The following TRHDE variants were observed in gnomAD, a reference collection of about 807,000 sequenced individuals.
The protein encoded by TRHDE is thyrotropin-releasing hormone-degrading ectoenzyme.
A neutral mutation model predicts 125.7 loss-of-function variants in TRHDE; 72 were observed. The observed-to-expected ratio is 0.57, with a 90% CI of 0.47 to 0.70. The LOEUF (loss-of-function observed/expected upper bound fraction) is 0.70, where lower values mean the gene tolerates loss of function less well. TRHDE is among the 30% of genes least tolerant of loss of function. TRHDE has a pLI of 0.00. For synonymous variants in TRHDE, 509 were observed against 509.1 expected (o/e 1.00, Z 0.00); for missense variants, 1,110 against 1,327.1 (o/e 0.84, Z 2.54).
At position 72,575,378 on chromosome 12, in the gene TRHDE, G is replaced by A. The variant is rs200482271; in HGVS notation, c.2255G>A (p.Arg752Gln). Residue 752 changes from arginine (R) to glutamine (Q), a missense_variant, in exon 11 of 19, where the codon CGG becomes CAG. Arg to Gln is a conservative substitution (Grantham distance 43). Transcript: ENST00000261180. ...AGATTATTAATTGATCAATTAATCC[G>A]GAATCATGAGGTACACTCCAGATTT... ...NWRLLIDQLI[R>Q]NHEVLSVSNR... 100 of 1,613,440 alleles carry A rather than the reference G, an allele frequency of 6.2e-5. No homozygotes were observed. Among genetic ancestry groups the A allele is most frequent in the Middle Eastern group, 1.7e-4 (1 of 6,046 alleles).
chr12:72,487,270 T>C (rs116970616), intron 5 of TRHDE, among the ~76,000 whole-genome samples: 4,777 of 152,262 alleles, frequency 0.031, 106 homozygotes, highest in Non-Finnish European at 0.054. Flanking sequence ...TTGGAAGTGA[T>C]ATTGTCAGTA....
intron 2 of TRHDE, among the ~76,000 whole-genome samples, chr12:72,231,609 A>G (rs1469628949): frequency 6.6e-6 from 1 of 152,166 alleles, no homozygotes; most frequent in Non-Finnish European, 1.5e-5. Context: ...ACCAGCTTCT[A>G]TGGTCTGTAG....
chr12:72,531,170 G>A (rs1592516415), intron 6 of TRHDE, among the ~76,000 whole-genome samples: 1 of 151,984 alleles, frequency 6.6e-6, no homozygotes, highest in Non-Finnish European at 1.5e-5. Flanking sequence ...TCAGTGGCTA[G>A]GAAATGCTTT....
At position 72,286,745 on chromosome 12, in the gene TRHDE, C is replaced by A. The variant is rs777676462; in HGVS notation, c.979C>A (p.Pro327Thr). ...AAAGGCATTTCCTTGTTTTGATGAG[C>A]CAATCTACAAGGCTACTTTCAAAAT... ...ARKAFPCFDE[P>T]IYKATFKISI... Residue 327 changes from proline to threonine, a missense_variant, in exon 2 of 19, where the codon CCA (proline) becomes ACA (threonine). Physicochemically the swap from Pro to Thr is conservative, Grantham distance 38. This residue lies in a region of TRHDE where 252 missense variants were observed against 274.8 expected (regional missense o/e 0.92). Coordinates refer to ENST00000261180, the MANE Select transcript of TRHDE (RefSeq NM_013381.3). The A allele has an allele frequency of 6.2e-7, 1 of 1,613,794 alleles. No homozygotes were observed. The highest frequency in any genetic ancestry group is 8.5e-7 in the Non-Finnish European group (1 of 1,179,914).
chr12:72,267,110 CA>C (rs1437177242), intron 2 of TRHDE, among the ~76,000 whole-genome samples: 4 of 152,038 alleles, frequency 2.6e-5, no homozygotes, highest in African/African-American at 9.7e-5. Flanking sequence ...AGTGACTAGA[CA>C]AATTAACTAG....
chr12:72,286,535 C>T (rs1247851594), intron 1 of TRHDE, 146 bp from the exon 2 acceptor site: 8 of 707,210 alleles, frequency 1.1e-5, no homozygotes, highest in Non-Finnish European at 1.9e-5. Context: ...ATTATGCTTT[C>T]ATGCTATTCA....
chr12:72,171,600 T>A (rs1043610657), intron 2 of TRHDE, among the ~76,000 whole-genome samples: 21 of 152,120 alleles, frequency 1.4e-4, no homozygotes, highest in Admixed American at 1.3e-4. Flanking sequence ...TGCGCCTATA[T>A]TTGTGTTGCT....
intron 5 of TRHDE, among the ~76,000 whole-genome samples, chr12:72,477,667 C>T (rs1876963939): frequency 6.6e-6 from 1 of 152,174 alleles, no homozygotes; most frequent in African/African-American, 2.4e-5. Context: ...TGACACAGCA[C>T]AGTAACTGTT....
intron 6 of TRHDE, among the ~76,000 whole-genome samples, chr12:72,512,421 A>G (rs1344998812): frequency 1.5e-4 from 16 of 110,226 alleles, no homozygotes; most frequent in Admixed American, 6.0e-4. Flanking sequence ...TAACTATATA[A>G]TATATATTAT....
At position 72,370,258 on chromosome 12, in the gene TRHDE, C is replaced by G. The variant is rs1267265909; in HGVS notation, c.1189-7737C>G. Among the ~76,000 whole-genome samples the G allele has an allele frequency of 1.3e-5, 2 of 152,102 alleles. 1 individual carries two copies. The highest frequency in any genetic ancestry group is 4.8e-5 in the African/African-American group (2 of 41,402). The stretch of plus-strand genomic sequence containing the variant: ...GAGGGTTAGGACTGATTGAATAAAT[C>G]CATCTATTTCTCTGCATCCCTACTG... On this transcript the variant is annotated intron_variant, in intron 2 of 18. Transcript: ENST00000261180.
Position 72,542,327 on chromosome 12 carries a change from G to C in TRHDE, c.1759G>C (p.Gly587Arg). The change falls in exon 7 of 19, where the codon GGC becomes CGC. Residue 587 changes from glycine (G) to arginine (R), a missense_variant. Transcript: ENST00000261180. ...AATAAGAATGCTGGCTAATTTTATG[G>C]GCCATTCAGTTTTCCAGAGGGGTTT... The part of the protein sequence containing the change: ...ALIRMLANFM[G>R]HSVFQRGLQD... 1 of 1,603,904 alleles carries C rather than the reference G, an allele frequency of 6.2e-7. No individual in the cohort carries two copies. Among genetic ancestry groups the C allele is most frequent in the Non-Finnish European group, 8.5e-7 (1 of 1,173,734 alleles).
intron 2 of TRHDE, among the ~76,000 whole-genome samples, chr12:72,133,334 C>T (rs781543671): frequency 6.6e-6 from 1 of 151,996 alleles, no homozygotes; most frequent in Admixed American, 6.6e-5. Flanking sequence ...GAGGAGAAAT[C>T]GACATAGTTT....
intron 2 of TRHDE, among the ~76,000 whole-genome samples, chr12:72,122,885 C>G (rs1234591411): frequency 1.3e-5 from 2 of 151,778 alleles, no homozygotes; most frequent in African/African-American, 4.8e-5. Flanking sequence ...TAAAACATAC[C>G]TTCTAAATGT....
At chr12:72,571,001 A>C in intron 10 of TRHDE, among the ~76,000 whole-genome samples, 1 of 116,556 alleles carries the variant, frequency 8.6e-6, no homozygotes, top group East Asian at 3.0e-4. Context: ...AAATTTTGTA[A>C]ATACAAAAAT....
At chr12:72,415,525 T>TTCTGC (rs367839185) in intron 3 of TRHDE, among the ~76,000 whole-genome samples, 13 of 152,048 alleles carry the variant, frequency 8.5e-5, no homozygotes, top group African/African-American at 3.1e-4. Flanking sequence ...TCTTCCTCCT[T>TTCTGC]TCTGCTCCCC....
chr12:72,663,122 A>G lies in TRHDE; in HGVS notation c.3137A>G (p.Glu1046Gly). 2 of 1,613,318 alleles carry G rather than the reference A, an allele frequency of 1.2e-6. No homozygotes were observed. Among genetic ancestry groups the G allele is most frequent in the Non-Finnish European group, 1.7e-6 (2 of 1,179,554 alleles). ...TTCTCACGAGCTGTGGAAACTGTCG[A>G]AGCCAATGTGCGCTGGAAAATGCTT... ...ASFSRAVETV[E>G]ANVRWKMLYQ... The change falls in exon 19 of 19, where the codon GAA becomes GGA. Residue 1046 changes from glutamate to glycine, a missense_variant. By Grantham distance (98) the Glu-to-Gly change is moderately conservative. Around this residue, in one of 5 missense-constraint regions of TRHDE, gnomAD observed 527 missense variants for 651.8 expected, o/e 0.81. Transcript: ENST00000261180.
At chr12:72,618,060 A>G (rs1026495880) in intron 12 of TRHDE, among the ~76,000 whole-genome samples, 9 of 152,124 alleles carry the variant, frequency 5.9e-5, no homozygotes, top group African/African-American at 2.2e-4. Flanking sequence ...CCATCTTTTA[A>G]TGTATTGTGG....
chr12:72,354,203 T>C (rs1277301131), intron 2 of TRHDE, among the ~76,000 whole-genome samples: 1 of 151,718 alleles, frequency 6.6e-6, no homozygotes, highest in African/African-American at 2.4e-5. Context: ...CATAATACCA[T>C]TTATTTAAAA....
chr12:72,355,865 C>T (rs1870793779), intron 2 of TRHDE, among the ~76,000 whole-genome samples: 1 of 151,774 alleles, frequency 6.6e-6, no homozygotes, highest in Non-Finnish European at 1.5e-5. Context: ...CATCTCACAC[C>T]AGCCAGAATA....
Sources: gnomAD v4.1 joint callset for allele counts (sites outside exome capture counted in the v4.1 genomes callset) on GRCh38, gnomAD v4.1.1 for gene constraint, gnomAD v4.1.1 regional missense constraint, MANE v1.5 for transcripts, NCBI Gene and HGNC (gene_info 2026-07-23, HGNC 2026-07-21) for gene names.